Variants in DMRT1 observed in about 807,000 individuals in gnomAD.
The protein encoded by DMRT1 is doublesex and mab-3 related transcription factor 1.
In DMRT1, 7 loss-of-function variants were observed where a neutral mutation model predicts 32.3. The observed-to-expected ratio is 0.22, with a 90% CI of 0.12 to 0.41. The LOEUF (loss-of-function observed/expected upper bound fraction) is 0.41. DMRT1 is among the 10% of genes least tolerant of loss of function. The pLI is 1.00. For synonymous variants in DMRT1, 278 were observed against 206.1 expected, an observed-to-expected ratio of 1.35 and a Z score of -2.99; for missense variants, 625 against 500.5, an observed-to-expected ratio of 1.25 and a Z score of -2.37.
chr9:896,134 TC>T (rs1817352160), intron 3 of DMRT1, among the ~76,000 whole-genome samples: 1 of 151,592 alleles, frequency 6.6e-6, no homozygotes, highest in Non-Finnish European at 1.5e-5. Flanking sequence ...TTGCCCAACA[TC>T]TTTTTTTTTT....
intron 4 of DMRT1, among the ~76,000 whole-genome samples, chr9:923,136 A>T (rs758923313): frequency 6.6e-6 from 1 of 152,156 alleles, no homozygotes; most frequent in Non-Finnish European, 1.5e-5. Context: ...CAGGGAGTGG[A>T]CTTGCTTAAT....
chr9:905,460 T>C (rs1029543596), intron 3 of DMRT1, among the ~76,000 whole-genome samples: 2 of 137,270 alleles, frequency 1.5e-5, no homozygotes, highest in African/African-American at 5.8e-5. Context: ...CGCTGTCTCC[T>C]CACTCCCTTG....
chr9:940,456 A>G (rs1178993431), intron 4 of DMRT1, among the ~76,000 whole-genome samples: 2 of 152,124 alleles, frequency 1.3e-5, no homozygotes, highest in Non-Finnish European at 2.9e-5. Context: ...TTCAATAGAG[A>G]ACATTCTTAA....
intron 4 of DMRT1, among the ~76,000 whole-genome samples, chr9:925,255 T>C (rs1024368809): frequency 1.3e-5 from 2 of 152,176 alleles, no homozygotes; most frequent in African/African-American, 4.8e-5. Context: ...GTGGAATCTT[T>C]TCTGTTCGTT....
chr9:891,443 C>T (rs181275794), intron 2 of DMRT1, among the ~76,000 whole-genome samples: 26 of 147,004 alleles, frequency 1.8e-4, no homozygotes, highest in African/African-American at 6.5e-4. Flanking sequence ...AGAGTGAGAC[C>T]CTGTCTCAAA....
intron 2 of DMRT1, among the ~76,000 whole-genome samples, chr9:887,258 C>T (rs1452300682): frequency 6.6e-6 from 1 of 152,154 alleles, no homozygotes; most frequent in African/African-American, 2.4e-5. Flanking sequence ...GGAGATCTGC[C>T]AGTGATTTTC....
chr9:887,114 C>T (rs1816961660), intron 2 of DMRT1, among the ~76,000 whole-genome samples: 1 of 152,178 alleles, frequency 6.6e-6, no homozygotes, highest in Non-Finnish European at 1.5e-5. Context: ...TCACTTGAAC[C>T]TGGGAGGCGG....
At chr9:904,112 C>G (rs757618008) in intron 3 of DMRT1, among the ~76,000 whole-genome samples, 1 of 152,172 alleles carries the variant, frequency 6.6e-6, no homozygotes, top group Non-Finnish European at 1.5e-5. Context: ...TTATCTGACA[C>G]AGTAGCATTA....
At chr9:862,115 G>GTGCTCCTCACTTC (rs1589462737) in intron 2 of DMRT1, among the ~76,000 whole-genome samples, 28 of 148,516 alleles carry the variant, frequency 1.9e-4, no homozygotes, top group Non-Finnish European at 2.4e-4. Context: ...CTGGGCAGAG[G>GTGCTCCTCACTTC]CTGCAATCTC....
intron 2 of DMRT1, among the ~76,000 whole-genome samples, chr9:881,047 A>G (rs1023678491): frequency 2.6e-5 from 4 of 152,226 alleles, no homozygotes; most frequent in African/African-American, 9.6e-5. Context: ...CCTGGGTCCC[A>G]TTGCGGGAGG....
At chr9:845,351 G>T (rs545773177) in intron 1 of DMRT1, among the ~76,000 whole-genome samples, 1 of 151,986 alleles carries the variant, frequency 6.6e-6, no homozygotes, top group Non-Finnish European at 1.5e-5. Flanking sequence ...GGGATTACAG[G>T]CGCACACCAC....
chr9:921,591 G>A (rs796396052), intron 4 of DMRT1, among the ~76,000 whole-genome samples: 15 of 152,180 alleles, frequency 9.9e-5, no homozygotes, highest in African/African-American at 3.1e-4. Context: ...CAGCTGCATC[G>A]TTTTATATTC....
At position 916,820 on chromosome 9, in the gene DMRT1, T is replaced by C. The variant is rs768397154; in HGVS notation, c.880T>C (p.Tyr294His). The C allele has an allele frequency of 6.2e-7, 1 of 1,614,226 alleles. No individual in the cohort carries two copies. The highest frequency in any genetic ancestry group is 1.1e-5 in the South Asian group (1 of 91,084). The change falls in exon 4 of 5, where the codon TAC (tyrosine) becomes CAC (histidine). Residue 294 changes from tyrosine (Y) to histidine (H), a missense_variant. By Grantham distance (83) the Tyr-to-His change is moderately conservative. Coordinates refer to ENST00000382276, the MANE Select transcript of DMRT1 (RefSeq NM_021951.3). ...MSSQYRMHSY[Y>H]PPPSYLGQSV... ...CTCCCAGTACAGGATGCATTCTTAC[T>C]ACCCGCCTCCCTCTTACCTGGGCCA...
intron 4 of DMRT1, among the ~76,000 whole-genome samples, chr9:955,794 C>T (rs364477): frequency 0.78 from 118,365 of 152,140 alleles, 46,312 homozygotes; most frequent in South Asian, 0.93. Context: ...GGAAAATAAG[C>T]GTTGCTGAGA....
intron 4 of DMRT1, among the ~76,000 whole-genome samples, chr9:950,470 T>G (rs1369108572): frequency 6.6e-6 from 1 of 152,098 alleles, no homozygotes; most frequent in Non-Finnish European, 1.5e-5. Context: ...CTTGGGCATG[T>G]TAATCTGAGT....
chr9:845,817 G>A (rs1838880081), intron 1 of DMRT1, among the ~76,000 whole-genome samples: 1 of 152,032 alleles, frequency 6.6e-6, no homozygotes, highest in African/African-American at 2.4e-5. Flanking sequence ...ATTCCGATAT[G>A]TACTGCCCCT....
Position 868,021 on chromosome 9 carries a change from A to G in DMRT1, c.538+20878A>G, listed in dbSNP as rs572247576. 5.9e-5 allele frequency among the ~76,000 whole-genome samples: 9 copies of G among 152,346 alleles called. No homozygotes were observed. In the East Asian group the frequency reaches 9.6e-4, roughly 16 times the overall value. The stretch of plus-strand genomic sequence containing the variant: ...TTTTGAGACAGGGTCTCTATCGCCC[A>G]GGCTGGAGTGCAGTCGTGTGATCAC... On this transcript the variant is annotated intron_variant, in intron 2 of 4. Coordinates refer to ENST00000382276, the MANE Select transcript of DMRT1 (RefSeq NM_021951.3).
intron 2 of DMRT1, among the ~76,000 whole-genome samples, chr9:881,502 G>A (rs1816735857): frequency 6.6e-6 from 1 of 152,150 alleles, no homozygotes; most frequent in African/African-American, 2.4e-5. Context: ...TCTACATGGA[G>A]CTGACCATGA....
At chr9:874,598 T>C (rs1816415281) in intron 2 of DMRT1, among the ~76,000 whole-genome samples, 1 of 152,146 alleles carries the variant, frequency 6.6e-6, no homozygotes, top group Admixed American at 6.5e-5. Context: ...AAAAGGGCCA[T>C]GATGCCTGAA....
Sources: allele counts gnomAD v4.1 joint callset (sites outside exome capture counted in the v4.1 genomes callset), GRCh38; gene constraint gnomAD v4.1.1; transcripts MANE v1.5; gene names NCBI Gene and HGNC (gene_info 2026-07-23, HGNC 2026-07-21).